GABRR2: variants seen among roughly 807,000 people sequenced by gnomAD.
GABRR2 encodes the protein gamma-aminobutyric acid receptor subunit rho-2.
In GABRR2, 36 loss-of-function variants were observed where a neutral mutation model predicts 47.0. That is an observed-to-expected ratio of 0.77 (90% CI 0.59 to 1.01). GABRR2 has a LOEUF of 1.01. Among genes scored for constraint, GABRR2 ranks in the 50% least tolerant of loss-of-function variants. The probability of loss-of-function intolerance (pLI) is 0.00; values close to 1 mark genes in which losing one functional copy is unlikely to be tolerated. For missense variants in GABRR2, 587 were observed against 594.6 expected (o/e 0.99, Z 0.13); for synonymous variants, 204 against 227.5 (o/e 0.90, Z 0.93).
chr6:89,262,840 T>C (rs1316705968), intron 8 of GABRR2, among the ~76,000 whole-genome samples: 2 of 152,260 alleles, frequency 1.3e-5, no homozygotes, highest in Non-Finnish European at 2.9e-5. Context: ...AGTGCAATGA[T>C]TGGCAATGAT....
chr6:89,307,186 C>CT (rs1412469775), intron 1 of GABRR2, among the ~76,000 whole-genome samples: 2 of 152,176 alleles, frequency 1.3e-5, no homozygotes, highest in African/African-American at 4.8e-5. Flanking sequence ...AGAATCATCT[C>CT]AAGTGGCTTT....
chr6:89,282,829 C>G (rs1464979336), intron 2 of GABRR2, among the ~76,000 whole-genome samples: 3 of 152,252 alleles, frequency 2.0e-5, no homozygotes, highest in South Asian at 2.1e-4. Context: ...CCAGTCTCCC[C>G]CTTCCAGATC....
chr6:89,272,088 T>C (rs964346734), intron 2 of GABRR2, among the ~76,000 whole-genome samples: 6 of 152,154 alleles, frequency 3.9e-5, no homozygotes, highest in African/African-American at 1.4e-4. Context: ...TCCTGTGACA[T>C]CTGAAAAAGA....
At chr6:89,293,981 T>G (rs997532805) in intron 2 of GABRR2, among the ~76,000 whole-genome samples, 2 of 152,232 alleles carry the variant, frequency 1.3e-5, no homozygotes, top group African/African-American at 4.8e-5. Flanking sequence ...ATCTTTTCTC[T>G]TTCTAGACTA....
At chr6:89,271,491 C>T (rs1013667091) in intron 3 of GABRR2, among the ~76,000 whole-genome samples, 164 bp downstream of exon 3, 5 of 152,222 alleles carry the variant, frequency 3.3e-5, no homozygotes, top group Non-Finnish European at 7.3e-5. Context: ...TTTTTACCCA[C>T]GCAGCGAGAA....
rs1562380167 is a variant in GABRR2 at position 89,292,855 on chromosome 6, A to ATATACGATATATCGTATATATCG, written c.220+6903_220+6904insCGATATATACGATATATCGTATA. Among the ~76,000 whole-genome samples, 19 of 125,888 alleles carry ATATACGATATATCGTATATATCG rather than the reference A, an allele frequency of 1.5e-4. 1 individual carries two copies. The highest frequency in any genetic ancestry group is 2.6e-4 in the South Asian group (1 of 3,890). The allele number at this position is 125,888 out of a possible 152,430, so 82.6% of individuals were successfully genotyped here. A position where few individuals can be genotyped will look rare whatever the true frequency, so the allele number is the denominator to read the frequency against. On this transcript the variant is annotated intron_variant, in intron 2 of 8. Transcript: ENST00000402938. ...GTATATACGATATATCGTATATATC[A>ATATACGATATATCGTATATATCG]TATATTATATATCTATATATCATAT...
At chr6:89,262,261 A>G (rs998768224) in intron 8 of GABRR2, among the ~76,000 whole-genome samples, 4 of 152,230 alleles carry the variant, frequency 2.6e-5, no homozygotes, top group African/African-American at 9.7e-5. Flanking sequence ...ATTGTAATAC[A>G]TTGAAATGTT....
rs151224919 is a variant in GABRR2 at position 89,293,348 on chromosome 6, A to T, written c.220+6411T>A. ...ATGAATATAGAGTTTCTGTTTGGAG[A>T]GATGAAAAAAGTTCTGGAGATGGAT... On this transcript the variant is annotated intron_variant, in intron 2 of 8. Transcript: ENST00000402938. Among the ~76,000 whole-genome samples, 1,310 of 152,278 alleles carry T rather than the reference A, an allele frequency of 8.6e-3. 13 individuals are homozygous for T. The highest frequency in any genetic ancestry group is 0.025 in the African/African-American group (1,031 of 41,546).
intron 1 of GABRR2, among the ~76,000 whole-genome samples, chr6:89,309,504 A>G (rs563406217): frequency 1.2e-3 from 187 of 152,278 alleles, no homozygotes; most frequent in African/African-American, 4.5e-3. Flanking sequence ...CTCTCAATTC[A>G]TGCAAAATGC....
At chr6:89,311,483 G>A (rs534275704) in intron 1 of GABRR2, among the ~76,000 whole-genome samples, 1 of 152,270 alleles carries the variant, frequency 6.6e-6, no homozygotes, top group Non-Finnish European at 1.5e-5. Context: ...TTTCACAGGA[G>A]ATGGCCCACA....
At chr6:89,267,985 G>C (rs756701341) in intron 5 of GABRR2, 29 bp downstream of exon 5, 8 of 1,600,482 alleles carry the variant, frequency 5.0e-6, no homozygotes, top group Non-Finnish European at 6.8e-6. Flanking sequence ...AGGAAAGAAA[G>C]TGAAGGAATT....
chr6:89,291,080 A>T (rs557104421), intron 2 of GABRR2, among the ~76,000 whole-genome samples: 38 of 152,074 alleles, frequency 2.5e-4, no homozygotes, highest in African/African-American at 7.7e-4. Context: ...GCTTTTTCTC[A>T]GTGCTCTATC....
intron 2 of GABRR2, among the ~76,000 whole-genome samples, chr6:89,290,204 T>G (rs546585075): frequency 7.2e-5 from 11 of 152,358 alleles, no homozygotes; most frequent in Non-Finnish European, 1.5e-5. Context: ...CAGTCCAGCT[T>G]CAGAACTTGC....
At chr6:89,274,964 A>G (rs955927580) in intron 2 of GABRR2, among the ~76,000 whole-genome samples, 1 of 152,148 alleles carries the variant, frequency 6.6e-6, no homozygotes, top group African/African-American at 2.4e-5. Context: ...CAGGCAGTGT[A>G]GCCAGTTAGG....
intron 1 of GABRR2, among the ~76,000 whole-genome samples, chr6:89,311,857 C>A (rs190533718): frequency 1.3e-5 from 2 of 152,164 alleles, no homozygotes. Flanking sequence ...TGGCCACATA[C>A]GCTAGATGGC....
At chr6:89,288,539 C>G (rs192125236) in intron 2 of GABRR2, among the ~76,000 whole-genome samples, 4 of 152,194 alleles carry the variant, frequency 2.6e-5, no homozygotes, top group Non-Finnish European at 5.9e-5. Context: ...CAGCTGAGCC[C>G]GGTCAATCCA....
In GABRR2 at chr6:89,299,877, A is replaced by G. The variant is rs1217807722; in HGVS notation, c.114-12T>C. The G allele has an allele frequency of 6.5e-7, 1 of 1,549,114 alleles. No homozygotes were observed. Among genetic ancestry groups the G allele is most frequent in the East Asian group, 2.2e-5 (1 of 44,568 alleles). On this transcript the variant is annotated splice_polypyrimidine_tract_variant and intron_variant, in intron 1 of 8. Transcript: ENST00000402938. ...TCTTATATAAGTGACTGTGAAGACA[A>G]GCAAGAAACTATTTTCCATCGGCTC...
intron 1 of GABRR2, among the ~76,000 whole-genome samples, chr6:89,305,030 A>G (rs1162645657): frequency 1.3e-5 from 2 of 152,272 alleles, no homozygotes; most frequent in Admixed American, 1.3e-4. Flanking sequence ...GATGGAATCA[A>G]CCTAAATGCT....
chr6:89,290,261 G>A (rs1774413824), intron 2 of GABRR2, among the ~76,000 whole-genome samples: 1 of 152,238 alleles, frequency 6.6e-6, no homozygotes, highest in Non-Finnish European at 1.5e-5. Context: ...CAGGCAGACT[G>A]GGCCCAGCAC....
Sources: allele counts gnomAD v4.1 joint callset (sites outside exome capture counted in the v4.1 genomes callset), GRCh38; gene constraint gnomAD v4.1.1; transcripts MANE v1.5; gene names NCBI Gene and HGNC (gene_info 2026-07-23, HGNC 2026-07-21).